EZH2: variants seen among roughly 807,000 people sequenced by gnomAD.
EZH2 encodes the protein enhancer of zeste 2 polycomb repressive complex 2 subunit.
In EZH2, 18 loss-of-function variants were observed where a neutral mutation model predicts 98.4. That is an observed-to-expected ratio of 0.18 (90% confidence interval 0.13 to 0.27). The LOEUF (loss-of-function observed/expected upper bound fraction) is 0.27. Ranked by LOEUF, EZH2 falls within the 10% of genes least tolerant of loss-of-function variation. EZH2 has a pLI of 1.00. For missense variants in EZH2, 470 were observed against 935.1 expected, an observed-to-expected ratio of 0.50 and a Z score of 6.49; for synonymous variants, 338 against 312.3, an observed-to-expected ratio of 1.08 and a Z score of -0.87.
chr7:148,871,320 G>A (rs1281223763), intron 1 of EZH2, among the ~76,000 whole-genome samples: 2 of 147,148 alleles, frequency 1.4e-5, no homozygotes, highest in African/African-American at 5.0e-5. Flanking sequence ...ACTACCATAT[G>A]ATCCAGCAAT....
intron 4 of EZH2, among the ~76,000 whole-genome samples, chr7:148,831,960 C>G (rs1237988443): frequency 1.3e-5 from 2 of 152,166 alleles, no homozygotes; most frequent in Non-Finnish European, 2.9e-5. Context: ...AATTTTACAC[C>G]ATAATGTACA....
intron 1 of EZH2, among the ~76,000 whole-genome samples, chr7:148,862,553 TAA>T (rs1194346952): frequency 6.6e-6 from 1 of 152,172 alleles, no homozygotes; most frequent in Non-Finnish European, 1.5e-5. Flanking sequence ...GCCAAATACC[TAA>T]GTCTGAATAA....
At chr7:148,863,435 A>T (rs1339101523) in intron 1 of EZH2, among the ~76,000 whole-genome samples, 1 of 152,172 alleles carries the variant, frequency 6.6e-6, no homozygotes, top group African/African-American at 2.4e-5. Context: ...AGAGACTAAT[A>T]TCTACTAAAA....
chr7:148,818,191 A>G lies in EZH2; in HGVS notation c.1000-74T>C, dbSNP rs1805097177. The G allele has an allele frequency of 6.2e-6, 9 of 1,458,836 alleles. No individual in the cohort carries two copies. In the South Asian group the frequency reaches 1.2e-4, roughly 19 times the overall value. The allele number at this position is 1,458,836 out of a possible 1,614,324, so 90.4% of individuals were successfully genotyped here. The stretch of plus-strand genomic sequence containing the variant: ...TTGATGGAAGAGAAAAAAAAATACT[A>G]TATAAGCCAGGTTAGTCAAAAAATG... On this transcript the variant is annotated intron_variant, in intron 9 of 19. Coordinates refer to ENST00000320356, the MANE Select transcript of EZH2 (RefSeq NM_004456.5).
chr7:148,883,891 C>CG (rs1195389319), intron 1 of EZH2, among the ~76,000 whole-genome samples: 3 of 151,834 alleles, frequency 2.0e-5, no homozygotes, highest in Non-Finnish European at 4.4e-5. Context: ...AGGAGCCCCC[C>CG]ACACGCCCCC....
intron 1 of EZH2, among the ~76,000 whole-genome samples, chr7:148,879,547 C>T (rs1418503153): frequency 3.3e-5 from 5 of 151,878 alleles, no homozygotes; most frequent in African/African-American, 1.2e-4. Flanking sequence ...AAAAATTAGC[C>T]AGGCCTGGTG....
At chr7:148,860,376 C>G (rs2129488106) in intron 1 of EZH2, among the ~76,000 whole-genome samples, 1 of 151,230 alleles carries the variant, frequency 6.6e-6, no homozygotes, top group Non-Finnish European at 1.5e-5. Context: ...AAAACTAAGT[C>G]TAAAATTAAA....
At chr7:148,847,136 C>T (rs780950204) in intron 2 of EZH2, 46 bp downstream of exon 2, 3 of 1,562,698 alleles carry the variant, frequency 1.9e-6, no homozygotes, top group Non-Finnish European at 2.6e-6. Context: ...GGGGAAAAAA[C>T]CTATCCTTAA....
intron 3 of EZH2, among the ~76,000 whole-genome samples, chr7:148,839,053 T>TAAGGAAGGAAGGAGGAAGG (rs1554402364): frequency 9.3e-6 from 1 of 107,744 alleles, no homozygotes; most frequent in African/African-American, 3.7e-5. Flanking sequence ...CTCTGTCAAA[T>TAAGGAAGGAAGGAGGAAGG]AAGGAAGGAA....
chr7:148,883,540 G>T (rs1240870281), intron 1 of EZH2: 2 of 150,334 alleles, frequency 1.3e-5, no homozygotes, highest in East Asian at 2.0e-4. Context: ...GCCCGGGGTC[G>T]GCGCGCCCGG....
intron 1 of EZH2, among the ~76,000 whole-genome samples, 188 bp from the exon 2 acceptor site, chr7:148,847,493 T>G (rs1814459800): frequency 1.3e-5 from 2 of 152,242 alleles, no homozygotes; most frequent in South Asian, 4.1e-4. Flanking sequence ...AAAGTTTAAG[T>G]TAAACTTAAA....
chr7:148,815,047 A>G lies in EZH2; in HGVS notation c.1547-8T>C, dbSNP rs1804171353. On this transcript the variant is annotated splice_polypyrimidine_tract_variant and splice_region_variant and intron_variant, in intron 13 of 19. Transcript: ENST00000320356. ...CATGGTTAGAGGAGCCGTCTGAGTA[A>G]AGATAACATCATGCAGGCCAATGAA... The G allele has an allele frequency of 1.2e-6, 2 of 1,613,054 alleles. No individual in the cohort carries two copies. The highest frequency in any genetic ancestry group is 1.3e-5 in the African/African-American group (1 of 74,908).
chr7:148,872,415 A>C (rs1819554539), intron 1 of EZH2, among the ~76,000 whole-genome samples: 1 of 152,234 alleles, frequency 6.6e-6, no homozygotes, highest in African/African-American at 2.4e-5. Flanking sequence ...TCTGTTGTGC[A>C]ACAATGTGAA....
chr7:148,824,127 C>T (rs1584985012), intron 8 of EZH2, among the ~76,000 whole-genome samples: 1 of 143,980 alleles, frequency 6.9e-6, no homozygotes, highest in Non-Finnish European at 1.6e-5. Context: ...CCAGCCTGGC[C>T]AACATGGTGA....
intron 1 of EZH2, among the ~76,000 whole-genome samples, chr7:148,853,866 T>G (rs1816318005): frequency 6.6e-6 from 1 of 152,124 alleles, no homozygotes; most frequent in Non-Finnish European, 1.5e-5. Context: ...ATAGCCTACT[T>G]CATTATCACC....
At chr7:148,831,733 A>C (rs1228221343) in intron 4 of EZH2, among the ~76,000 whole-genome samples, 1 of 152,210 alleles carries the variant, frequency 6.6e-6, no homozygotes. Flanking sequence ...AAGTTACTAA[A>C]AACTTCCCCA....
chr7:148,843,617 ACAGCGT>A (rs1813124163), intron 3 of EZH2, among the ~76,000 whole-genome samples: 7 of 96,272 alleles, frequency 7.3e-5, no homozygotes, highest in Admixed American at 2.5e-4. Context: ...TTTTTTTGAG[ACAGCGT>A]CTCGCTCTGT....
chr7:148,847,694 G>A (rs1196877524), intron 1 of EZH2, among the ~76,000 whole-genome samples: 2 of 152,082 alleles, frequency 1.3e-5, no homozygotes, highest in Non-Finnish European at 2.9e-5. Flanking sequence ...CAGTAGCAAG[G>A]CATAATGGAA....
At chr7:148,819,291 C>T (rs968854294) in intron 9 of EZH2, among the ~76,000 whole-genome samples, 7 of 152,118 alleles carry the variant, frequency 4.6e-5, no homozygotes, top group East Asian at 1.9e-4. Flanking sequence ...GCTTTCTAAG[C>T]GGACTATCTG....
Sources: gnomAD v4.1 joint callset for allele counts (sites outside exome capture counted in the v4.1 genomes callset) on GRCh38, gnomAD v4.1.1 for gene constraint, MANE v1.5 for transcripts, NCBI Gene and HGNC (gene_info 2026-07-23, HGNC 2026-07-21) for gene names.